The following CNTNAP2 variants were observed in gnomAD, a reference collection of about 807,000 sequenced individuals.
CNTNAP2 encodes contactin associated protein 2.
A neutral mutation model predicts 155.2 loss-of-function variants in CNTNAP2; 98 were observed. The ratio of observed to expected loss-of-function variants is 0.63; its 90% CI spans 0.54 to 0.75. The LOEUF is 0.75. CNTNAP2 is among the 30% of genes least tolerant of loss of function. The pLI is 0.00. For missense variants in CNTNAP2, 1,727 were observed against 1,688.1 expected, an observed-to-expected ratio of 1.02 and a Z score of -0.40; for synonymous variants, 651 against 631.2, an observed-to-expected ratio of 1.03 and a Z score of -0.47.
chr7:147,723,741 A>G (rs1289994529), intron 13 of CNTNAP2, among the ~76,000 whole-genome samples: 1 of 151,934 alleles, frequency 6.6e-6, no homozygotes, highest in Admixed American at 6.6e-5. Flanking sequence ...GCTACTCAGG[A>G]CTTCCTTTTA....
intron 3 of CNTNAP2, among the ~76,000 whole-genome samples, chr7:146,872,312 A>G (rs1795329390): frequency 6.6e-6 from 1 of 152,126 alleles, no homozygotes; most frequent in Non-Finnish European, 1.5e-5. Flanking sequence ...TTTCAAATAG[A>G]ATTATTTTTT....
chr7:146,894,413 T>G (rs1180588781), intron 3 of CNTNAP2, among the ~76,000 whole-genome samples: 1 of 152,194 alleles, frequency 6.6e-6, no homozygotes, highest in Admixed American at 6.5e-5. Flanking sequence ...CTTCAGCATT[T>G]TTAAAACTCT....
intron 1 of CNTNAP2, among the ~76,000 whole-genome samples, chr7:146,552,511 C>G (rs1193682935): frequency 3.3e-5 from 5 of 152,118 alleles, no homozygotes; most frequent in African/African-American, 1.2e-4. Context: ...TTACGGCACA[C>G]CTTTAAATTC....
At chr7:148,071,121 C>G (rs143841716) in intron 15 of CNTNAP2, among the ~76,000 whole-genome samples, 1 of 152,242 alleles carries the variant, frequency 6.6e-6, no homozygotes, top group Non-Finnish European at 1.5e-5. Flanking sequence ...GCTTTTCACT[C>G]TTTCCCCAAA....
chr7:147,236,571 T>A (rs962398971), intron 8 of CNTNAP2, among the ~76,000 whole-genome samples: 7 of 152,022 alleles, frequency 4.6e-5, no homozygotes, highest in Non-Finnish European at 1.0e-4. Context: ...TTTTTTTTCT[T>A]TTTGGTTGGT....
At chr7:148,275,479 C>T (rs1796855655) in intron 21 of CNTNAP2, among the ~76,000 whole-genome samples, 1 of 152,148 alleles carries the variant, frequency 6.6e-6, no homozygotes, top group Non-Finnish European at 1.5e-5. Context: ...GCACAGCAGT[C>T]CACCCAAAAC....
At chr7:147,140,639 G>A (rs1584751069) in intron 8 of CNTNAP2, among the ~76,000 whole-genome samples, 1 of 152,014 alleles carries the variant, frequency 6.6e-6, no homozygotes, top group East Asian at 1.9e-4. Flanking sequence ...AACATATAGT[G>A]GATTGGGGAA....
chr7:146,738,017 T>C (rs1450013384), intron 1 of CNTNAP2, among the ~76,000 whole-genome samples: 1 of 152,110 alleles, frequency 6.6e-6, no homozygotes, highest in Non-Finnish European at 1.5e-5. Context: ...CTGATTTCAC[T>C]TCCTTTGGAA....
intron 1 of CNTNAP2, among the ~76,000 whole-genome samples, chr7:146,282,619 A>G (rs965146826): frequency 2.0e-5 from 3 of 152,226 alleles, no homozygotes; most frequent in Non-Finnish European, 2.9e-5. Context: ...AAAAATCACT[A>G]GATAAGATAA....
At chr7:148,299,669 T>C (rs1472589614) in intron 21 of CNTNAP2, among the ~76,000 whole-genome samples, 1 of 152,266 alleles carries the variant, frequency 6.6e-6, no homozygotes, top group Non-Finnish European at 1.5e-5. Context: ...TCAGCCTTAT[T>C]TTCCCAACCT....
chr7:146,541,431 T>C (rs963979391), intron 1 of CNTNAP2, among the ~76,000 whole-genome samples: 2 of 152,044 alleles, frequency 1.3e-5, no homozygotes, highest in Admixed American at 6.6e-5. Flanking sequence ...AGCTTCATTA[T>C]ATTTTGAAGT....
intron 1 of CNTNAP2, among the ~76,000 whole-genome samples, chr7:146,488,689 A>G (rs907820416): frequency 1.3e-5 from 2 of 152,068 alleles, no homozygotes; most frequent in Admixed American, 6.6e-5. Flanking sequence ...GTACAGTGCC[A>G]TGATTTTGGC....
chr7:147,312,614 G>C (rs1584864870), intron 9 of CNTNAP2, among the ~76,000 whole-genome samples: 1 of 110,606 alleles, frequency 9.0e-6, no homozygotes, highest in East Asian at 4.2e-4. Context: ...TGGCTGCATA[G>C]TATTCCATGG....
chr7:146,793,779 A>G (rs1431678229), intron 2 of CNTNAP2, among the ~76,000 whole-genome samples: 1 of 152,198 alleles, frequency 6.6e-6, no homozygotes, highest in Non-Finnish European at 1.5e-5. Flanking sequence ...GTGGGATTAG[A>G]CAGCATAAGT....
chr7:147,274,635 CTGT>C (rs1036416649), intron 8 of CNTNAP2, among the ~76,000 whole-genome samples: 1 of 151,932 alleles, frequency 6.6e-6, no homozygotes, highest in African/African-American at 2.4e-5. Context: ...TCTGTTTATT[CTGT>C]TGTTTATTTC....
At chr7:147,784,901 T>C (rs1797716131) in intron 13 of CNTNAP2, among the ~76,000 whole-genome samples, 1 of 151,960 alleles carries the variant, frequency 6.6e-6, no homozygotes, top group South Asian at 2.1e-4. Flanking sequence ...GATATTGTGA[T>C]GCAGTGGCTG....
intron 3 of CNTNAP2, among the ~76,000 whole-genome samples, chr7:146,938,317 G>A (rs1010451820): frequency 4.0e-5 from 6 of 151,472 alleles, no homozygotes; most frequent in Non-Finnish European, 7.4e-5. Context: ...TAGATACAGC[G>A]CTTTATATGT....
At chr7:148,149,921 C>T (rs148737169) in intron 17 of CNTNAP2, among the ~76,000 whole-genome samples, 63 of 152,102 alleles carry the variant, frequency 4.1e-4, no homozygotes, top group Middle Eastern at 3.4e-3. Context: ...GAACAGGAGG[C>T]TGACGTGATG....
At chr7:146,350,012 GCCT>G (rs1435543846) in intron 1 of CNTNAP2, among the ~76,000 whole-genome samples, 1 of 151,952 alleles carries the variant, frequency 6.6e-6, no homozygotes, top group East Asian at 1.9e-4. Context: ...CTGAATGTTG[GCCT>G]GCCTTGCTAG....
Sources: allele counts gnomAD v4.1 joint callset (sites outside exome capture counted in the v4.1 genomes callset), GRCh38; gene constraint gnomAD v4.1.1; transcripts MANE v1.5; gene names NCBI Gene and HGNC (gene_info 2026-07-23, HGNC 2026-07-21).